Variants in NREP observed in about 807,000 individuals in gnomAD.
NREP encodes the protein neuronal regeneration related protein.
NREP carries 5 observed loss-of-function variants against 8.6 expected under a neutral mutation model. That is an observed-to-expected ratio of 0.58 (90% CI 0.30 to 1.22). The LOEUF is 1.22. NREP is among the 50% of genes most tolerant of loss of function. NREP has a pLI of 0.07. For synonymous variants in NREP, 27 were observed against 28.0 expected (o/e 0.96, Z 0.11); for missense variants, 86 against 82.5 (o/e 1.04, Z -0.17).
intron 2 of NREP, among the ~76,000 whole-genome samples, chr5:111,741,063 C>T (rs1208732679): frequency 6.6e-6 from 1 of 152,088 alleles, no homozygotes; most frequent in Non-Finnish European, 1.5e-5. Flanking sequence ...TGGTTGTTAA[C>T]GACCATAACT....
rs80079383 is a variant in NREP at position 111,819,848 on chromosome 5, A to G, written c.136-84341T>C. 2.4e-4 allele frequency among the ~76,000 whole-genome samples: 37 copies of G among 152,360 alleles called. No individual in the cohort carries two copies. In the East Asian group the frequency reaches 7.1e-3, roughly 29 times the overall value. ...CTTCTTGCACTTAGGAATACTTGAC[A>G]GTATTTCAGGACTACACTTGGAACA... is the stretch of plus-strand genomic sequence containing the variant. On this transcript the variant is annotated intron_variant, in intron 2 of 3. Coordinates refer to the NREP transcript ENST00000395634.
intron 2 of NREP, among the ~76,000 whole-genome samples, chr5:111,821,366 TAA>T (rs368234084): frequency 2.7e-5 from 4 of 146,364 alleles, no homozygotes; most frequent in Non-Finnish European, 6.0e-5. Flanking sequence ...TTCCCTTCTT[TAA>T]AAAAAAAAAA....
chr5:111,913,360 C>A (rs1181042564), intron 2 of NREP, among the ~76,000 whole-genome samples: 1 of 152,070 alleles, frequency 6.6e-6, no homozygotes, highest in Non-Finnish European at 1.5e-5. Flanking sequence ...TAGCACATTG[C>A]CTTTCATTAA....
At chr5:111,783,780 G>C (rs909891174) in intron 2 of NREP, among the ~76,000 whole-genome samples, 5 of 152,042 alleles carry the variant, frequency 3.3e-5, no homozygotes, top group Admixed American at 2.0e-4. Flanking sequence ...GTAAATATCT[G>C]TCTGCCTTTA....
chr5:111,923,235 G>A (rs1020844060), intron 2 of NREP, among the ~76,000 whole-genome samples: 1 of 152,148 alleles, frequency 6.6e-6, no homozygotes, highest in Non-Finnish European at 1.5e-5. Flanking sequence ...CTTGTGCCTA[G>A]TGAAAGAGAC....
At chr5:111,888,655 G>C (rs1754320503) in intron 2 of NREP, among the ~76,000 whole-genome samples, 1 of 152,166 alleles carries the variant, frequency 6.6e-6, no homozygotes, top group Non-Finnish European at 1.5e-5. Flanking sequence ...GTAATGGGTT[G>C]CAATGAAAAG....
intron 2 of NREP, among the ~76,000 whole-genome samples, chr5:111,970,081 AC>A (rs1756767187): frequency 1.3e-5 from 2 of 151,986 alleles, no homozygotes; most frequent in African/African-American, 2.4e-5. Context: ...CTTCCTAAAT[AC>A]TCTGTAAGAT....
intron 2 of NREP, among the ~76,000 whole-genome samples, chr5:111,829,301 A>G (rs923584109): frequency 2.6e-5 from 4 of 152,170 alleles, no homozygotes; most frequent in African/African-American, 9.7e-5. Flanking sequence ...TCAGATTTGT[A>G]TTTTGTAAAT....
At chr5:111,970,377 C>A (rs1037485752) in intron 2 of NREP, among the ~76,000 whole-genome samples, 2 of 152,250 alleles carry the variant, frequency 1.3e-5, no homozygotes, top group Middle Eastern at 3.4e-3. Flanking sequence ...ATTTGGTCAA[C>A]GTTCCTACAG....
intron 2 of NREP, among the ~76,000 whole-genome samples, chr5:111,909,618 C>T (rs1754860960): frequency 6.6e-6 from 1 of 151,958 alleles, no homozygotes; most frequent in South Asian, 2.1e-4. Context: ...CTAAAACCAC[C>T]AAAGAGAGAA....
In NREP at chr5:111,930,878, C is replaced by G. The variant is rs565996779; in HGVS notation, c.135+44396G>C. ...GGTTAAGTCTTCCAGGAAAGGTTTC[C>G]TTACTCAAAAATAATGTCACAATGA... On this transcript the variant is annotated intron_variant, in intron 2 of 3. Transcript: ENST00000395634. Among the ~76,000 whole-genome samples the G allele has an allele frequency of 2.6e-5, 4 of 152,204 alleles. No individual in the cohort carries two copies. The East Asian group carries it at 7.8e-4, about 30-fold the overall frequency.
chr5:111,964,438 G>T (rs1756569141), intron 2 of NREP, among the ~76,000 whole-genome samples: 1 of 152,056 alleles, frequency 6.6e-6, no homozygotes, highest in Admixed American at 6.6e-5. Flanking sequence ...CACCATCTGG[G>T]CTCACTGCAA....
At chr5:111,858,199 G>A (rs938572867) in intron 2 of NREP, among the ~76,000 whole-genome samples, 3 of 152,136 alleles carry the variant, frequency 2.0e-5, no homozygotes, top group Non-Finnish European at 2.9e-5. Context: ...AGTAGTTGGT[G>A]TTTTAACCAG....
intron 2 of NREP, among the ~76,000 whole-genome samples, chr5:111,744,911 T>C (rs1749906774): frequency 6.6e-6 from 1 of 152,156 alleles, no homozygotes; most frequent in Non-Finnish European, 1.5e-5. Flanking sequence ...CATAGATTTT[T>C]CCCCTCAGTC....
At chr5:111,878,524 G>A (rs10477474) in intron 2 of NREP, among the ~76,000 whole-genome samples, 65,687 of 152,004 alleles carry the variant, frequency 0.43, 16,770 homozygotes, top group Non-Finnish European at 0.59. Context: ...CCCTTGACAC[G>A]TGGGGATTAT....
At chr5:111,866,981 A>T (rs1255546388) in intron 2 of NREP, among the ~76,000 whole-genome samples, 1 of 124,702 alleles carries the variant, frequency 8.0e-6, no homozygotes, top group African/African-American at 3.3e-5. Flanking sequence ...AACATCACAC[A>T]CCGGGGCCTG....
chr5:111,820,406 T>G (rs1486464963), intron 2 of NREP, among the ~76,000 whole-genome samples: 1 of 152,112 alleles, frequency 6.6e-6, no homozygotes, highest in Non-Finnish European at 1.5e-5. Flanking sequence ...TCTTAGAGAG[T>G]AGGCAAATTT....
chr5:111,881,490 A>C (rs1754067843), intron 2 of NREP, among the ~76,000 whole-genome samples: 1 of 152,142 alleles, frequency 6.6e-6, no homozygotes, highest in African/African-American at 2.4e-5. Flanking sequence ...TTCTCCCAGA[A>C]CGCAGCTGGA....
At chr5:111,804,274 G>C (rs115824505) in intron 2 of NREP, among the ~76,000 whole-genome samples, 2 of 152,142 alleles carry the variant, frequency 1.3e-5, no homozygotes, top group Non-Finnish European at 2.9e-5. Context: ...CAAAACACTG[G>C]AGGAATAGAT....
Sources: gnomAD v4.1 joint callset for allele counts (sites outside exome capture counted in the v4.1 genomes callset) on GRCh38, gnomAD v4.1.1 for gene constraint, MANE v1.5 for transcripts, NCBI Gene and HGNC (gene_info 2026-07-23, HGNC 2026-07-21) for gene names.